Variants in NFIB observed in about 807,000 individuals in gnomAD.
The protein encoded by NFIB is nuclear factor 1 B-type.
NFIB carries 11 observed loss-of-function variants against 61.5 expected under a neutral mutation model. The ratio of observed to expected loss-of-function variants is 0.18; its 90% CI spans 0.11 to 0.30. The LOEUF (loss-of-function observed/expected upper bound fraction) is 0.30. Ranked by LOEUF, NFIB falls within the 10% of genes least tolerant of loss-of-function variation. NFIB has a pLI of 1.00. For missense variants in NFIB, 471 were observed against 608.9 expected (o/e 0.77, Z 2.38); for synonymous variants, 260 against 216.5 (o/e 1.20, Z -1.76).
chr9:14,525,453 A>C, the NFIB span, among the ~76,000 whole-genome samples: 1 of 152,114 alleles, frequency 6.6e-6, no homozygotes, highest in Admixed American at 6.6e-5. Context: ...CTCCCCTGTA[A>C]AGTGGTTCTG....
At chr9:14,137,814 T>C (rs2041239151) in intron 6 of NFIB, among the ~76,000 whole-genome samples, 1 of 152,154 alleles carries the variant, frequency 6.6e-6, no homozygotes, top group South Asian at 2.1e-4. Context: ...GAACTTAGGA[T>C]TATTTATTAC....
chr9:14,518,382 T>A, the NFIB span, among the ~76,000 whole-genome samples: 1 of 152,130 alleles, frequency 6.6e-6, no homozygotes, highest in East Asian at 1.9e-4. Context: ...TACCCATCTC[T>A]GTCACAATTC....
rs188893334 is a variant in NFIB at position 14,089,993 on chromosome 9, T to C, written c.1468-1667A>G. 4.9e-4 allele frequency among the ~76,000 whole-genome samples: 75 copies of C among 152,262 alleles called. 1 individual carries two copies. The highest frequency in any genetic ancestry group is 2.4e-3 in the Admixed American group (37 of 15,296). On this transcript the variant is annotated intron_variant, in intron 10 of 10. Transcript: ENST00000380953. ...ACAAACTCAATGACAGCAAAGTCCG[T>C]CTCTAGTAAAGTACCTAGCACATGG...
chr9:14,247,789 T>C (rs7866589), intron 2 of NFIB, among the ~76,000 whole-genome samples: 117,422 of 152,070 alleles, frequency 0.77, 45,978 homozygotes, highest in East Asian at 0.94. Context: ...CTGCATGCTT[T>C]GATGTCACCT....
intron 8 of NFIB, among the ~76,000 whole-genome samples, chr9:14,119,575 A>T (rs560068158): frequency 6.6e-6 from 1 of 152,328 alleles, no homozygotes; most frequent in African/African-American, 2.4e-5. Flanking sequence ...GTTCCACCGT[A>T]GTAATGACGG....
intron 1 of NFIB, among the ~76,000 whole-genome samples, chr9:14,312,561 G>A (rs1371563456): frequency 6.6e-6 from 1 of 152,160 alleles, no homozygotes; most frequent in Non-Finnish European, 1.5e-5. Context: ...GATGAAAACT[G>A]CCCCCAGGTA....
chr9:14,298,980 T>C (rs986184983), intron 2 of NFIB, among the ~76,000 whole-genome samples: 1 of 152,176 alleles, frequency 6.6e-6, no homozygotes, highest in Non-Finnish European at 1.5e-5. Flanking sequence ...ATAGCAAATT[T>C]AAGGTAATCC....
chr9:14,250,864 G>A (rs1329421914), intron 2 of NFIB, among the ~76,000 whole-genome samples: 2 of 152,128 alleles, frequency 1.3e-5, no homozygotes, highest in South Asian at 2.1e-4. Context: ...TGGTTTCTCT[G>A]GACTTATGAC....
the NFIB span, among the ~76,000 whole-genome samples, chr9:14,425,241 A>G: frequency 4.6e-5 from 7 of 152,202 alleles, no homozygotes; most frequent in Non-Finnish European, 1.0e-4. Flanking sequence ...ACTGCTCTAC[A>G]GTGATTCTTA....
At chr9:14,327,113 T>A (rs77540589) in intron 1 of NFIB, among the ~76,000 whole-genome samples, 1 of 147,298 alleles carries the variant, frequency 6.8e-6, no homozygotes, top group South Asian at 2.2e-4. Flanking sequence ...ATTTTTTTTT[T>A]AACCATTTTC....
chr9:14,504,821 G>T, the NFIB span, among the ~76,000 whole-genome samples: 1 of 152,060 alleles, frequency 6.6e-6, no homozygotes, highest in African/African-American at 2.4e-5. Flanking sequence ...GATGCCGTTG[G>T]TTTCTTTCCT....
the NFIB span, among the ~76,000 whole-genome samples, chr9:14,483,837 A>C: frequency 2.0e-5 from 3 of 152,216 alleles, no homozygotes; most frequent in African/African-American, 7.2e-5. Flanking sequence ...ATTTTTTATC[A>C]AATGTTACAA....
At chr9:14,151,097 A>G (rs995616366) in intron 4 of NFIB, among the ~76,000 whole-genome samples, 5 of 152,108 alleles carry the variant, frequency 3.3e-5, no homozygotes, top group African/African-American at 1.2e-4. Context: ...CTAGTTTCCT[A>G]ACTGTAAAAT....
At chr9:14,449,617 ACAAAAGT>A in the NFIB span, among the ~76,000 whole-genome samples, 1 of 152,152 alleles carries the variant, frequency 6.6e-6, no homozygotes, top group African/African-American at 2.4e-5. Context: ...GGGCTGAAAA[ACAAAAGT>A]CAAAACAGAC....
chr9:14,315,185 C>A (rs373279594), upstream of NFIB, among the ~76,000 whole-genome samples: 1 of 151,764 alleles, frequency 6.6e-6, no homozygotes. Context: ...CGGCCCCGCC[C>A]GGAGCCCGGG....
At chr9:14,291,050 CT>C (rs1344004676) in intron 2 of NFIB, among the ~76,000 whole-genome samples, 1 of 152,070 alleles carries the variant, frequency 6.6e-6, no homozygotes, top group East Asian at 1.9e-4. Context: ...CTAGAAGTAG[CT>C]GATATTAAAC....
chr9:14,184,205 C>T (rs2047102229), intron 2 of NFIB, among the ~76,000 whole-genome samples: 1 of 152,164 alleles, frequency 6.6e-6, no homozygotes, highest in Non-Finnish European at 1.5e-5. Context: ...ACTATTAAAA[C>T]TTATGTTCTC....
intron 1 of NFIB, among the ~76,000 whole-genome samples, chr9:14,327,851 T>C (rs2060773941): frequency 6.6e-6 from 1 of 152,160 alleles, no homozygotes; most frequent in Non-Finnish European, 1.5e-5. Context: ...CTATAATATA[T>C]TCAAAAGTCA....
At chr9:14,340,453 T>C (rs2060936735) in intron 1 of NFIB, among the ~76,000 whole-genome samples, 1 of 152,208 alleles carries the variant, frequency 6.6e-6, no homozygotes, top group African/African-American at 2.4e-5. Context: ...TTAATTGGAT[T>C]GAGGAGAAGC....
Sources: allele counts gnomAD v4.1 joint callset (sites outside exome capture counted in the v4.1 genomes callset), GRCh38; gene constraint gnomAD v4.1.1; transcripts MANE v1.5; gene names NCBI Gene and HGNC (gene_info 2026-07-23, HGNC 2026-07-21).